The following NREP variants were observed in gnomAD, a reference collection of about 807,000 sequenced individuals.
NREP encodes the protein neuronal regeneration-related protein.
NREP carries 5 observed loss-of-function variants against 8.6 expected under a neutral mutation model. That is an observed-to-expected ratio of 0.58 (90% CI 0.30 to 1.22). The LOEUF (loss-of-function observed/expected upper bound fraction) is 1.22. NREP is among the 50% of genes most tolerant of loss of function. The pLI, the probability that NREP is intolerant of heterozygous loss-of-function variation, is 0.07. For missense variants in NREP, 86 were observed against 82.5 expected (o/e 1.04, Z -0.17); for synonymous variants, 27 against 28.0 (o/e 0.96, Z 0.11).
chr5:111,821,380 T>G (rs757478539), intron 2 of NREP, among the ~76,000 whole-genome samples: 1 of 151,362 alleles, frequency 6.6e-6, no homozygotes, highest in Non-Finnish European at 1.5e-5. Flanking sequence ...AAAAAAAAAA[T>G]CAACTCCTGT....
chr5:111,891,812 G>A (rs1754401833), intron 2 of NREP, among the ~76,000 whole-genome samples: 1 of 152,146 alleles, frequency 6.6e-6, no homozygotes, highest in Non-Finnish European at 1.5e-5. Flanking sequence ...CGTGAGGACA[G>A]CACCAAGGGC....
At chr5:111,880,185 T>C (rs570008019) in intron 2 of NREP, among the ~76,000 whole-genome samples, 1 of 152,238 alleles carries the variant, frequency 6.6e-6, no homozygotes, top group African/African-American at 2.4e-5. Flanking sequence ...CCTCTCTCTG[T>C]TTACTCATCT....
chr5:111,970,825 C>CAAAAAAAAAAAAAAA (rs33962098), intron 2 of NREP, among the ~76,000 whole-genome samples: 19 of 53,596 alleles, frequency 3.5e-4, no homozygotes, highest in African/African-American at 5.4e-4. Flanking sequence ...GACTCCATCT[C>CAAAAAAAAAAAAAAA]AAAAAAAAAA....
At chr5:111,746,410 C>T (rs1750008842) in intron 2 of NREP, among the ~76,000 whole-genome samples, 2 of 152,098 alleles carry the variant, frequency 1.3e-5, no homozygotes, top group Admixed American at 6.5e-5. Flanking sequence ...AGACCCAAGA[C>T]TCCACAGGGC....
intron 2 of NREP, among the ~76,000 whole-genome samples, chr5:111,844,198 A>C (rs1201900645): frequency 5.9e-5 from 9 of 152,166 alleles, no homozygotes; most frequent in Non-Finnish European, 1.2e-4. Flanking sequence ...ATCCAAAATA[A>C]GTATAAAATG....
At chr5:111,728,824 T>C (rs1287322253), downstream of NREP, 1 of 152,198 alleles carries the variant, frequency 6.6e-6, no homozygotes, top group African/African-American at 2.4e-5. Context: ...CTGTCTCAAA[T>C]TTTTATCCTC....
intron 2 of NREP, among the ~76,000 whole-genome samples, chr5:111,770,162 C>CA (rs1345907726): frequency 3.3e-5 from 5 of 152,146 alleles, no homozygotes; most frequent in Non-Finnish European, 7.3e-5. Flanking sequence ...CACCAGACTT[C>CA]AGGAATATTT....
upstream of NREP, among the ~76,000 whole-genome samples, chr5:111,759,624 T>C (rs763292048): frequency 7.2e-5 from 11 of 151,962 alleles, no homozygotes; most frequent in Non-Finnish European, 1.2e-4. Flanking sequence ...TGGGTCAGAT[T>C]CATAGCTTAT....
intron 2 of NREP, among the ~76,000 whole-genome samples, chr5:111,807,200 G>A (rs1055164250): frequency 1.3e-5 from 2 of 151,740 alleles, no homozygotes; most frequent in Non-Finnish European, 2.9e-5. Context: ...ACACCTCTTA[G>A]TTGTTGACTC....
intron 3 of NREP, chr5:111,734,582 T>C: frequency 2.2e-6 from 1 of 453,972 alleles, no homozygotes; most frequent in Non-Finnish European, 3.9e-6. Flanking sequence ...CCTGCCAGTA[T>C]AAGATAGGGA....
At chr5:111,896,758 T>C (rs1754520477) in intron 2 of NREP, among the ~76,000 whole-genome samples, 2 of 152,108 alleles carry the variant, frequency 1.3e-5, no homozygotes, top group Non-Finnish European at 2.9e-5. Flanking sequence ...TACTGAAAAA[T>C]CTTGAGCAAA....
chr5:111,776,790 G>T (rs1156573049), intron 2 of NREP, among the ~76,000 whole-genome samples: 1 of 152,160 alleles, frequency 6.6e-6, no homozygotes. Context: ...CTAGAGATTT[G>T]CCCTGGGGCA....
chr5:111,853,835 T>A (rs554584817), intron 2 of NREP, among the ~76,000 whole-genome samples: 2 of 152,268 alleles, frequency 1.3e-5, no homozygotes, highest in South Asian at 4.1e-4. Flanking sequence ...AGTGTGTCCC[T>A]CTCTGAGCAT....
At chr5:111,780,748 T>C (rs140426086) in intron 2 of NREP, among the ~76,000 whole-genome samples, 1,525 of 152,274 alleles carry the variant, frequency 0.01, 14 homozygotes, top group Non-Finnish European at 0.016. Flanking sequence ...TGGAAATCTT[T>C]TAAATCCTCA....
chr5:111,880,861 A>G (rs1163391734), intron 2 of NREP, among the ~76,000 whole-genome samples: 1 of 151,438 alleles, frequency 6.6e-6, no homozygotes, highest in African/African-American at 2.4e-5. Context: ...ATGGCTGAAT[A>G]GGAACAGCTC....
At chr5:111,777,376 GT>G (rs1460501611) in intron 2 of NREP, among the ~76,000 whole-genome samples, 1 of 150,078 alleles carries the variant, frequency 6.7e-6, no homozygotes, top group African/African-American at 2.5e-5. Flanking sequence ...GTGTGTGTGT[GT>G]TTTAAGTACG....
intron 2 of NREP, among the ~76,000 whole-genome samples, chr5:111,784,242 C>T (rs968145946): frequency 6.6e-6 from 1 of 151,970 alleles, no homozygotes; most frequent in Non-Finnish European, 1.5e-5. Flanking sequence ...AGGCTAGGCC[C>T]ATAGGTGGTA....
chr5:111,921,245 C>G (rs1004791081), intron 2 of NREP, among the ~76,000 whole-genome samples: 1 of 152,180 alleles, frequency 6.6e-6, no homozygotes, highest in South Asian at 2.1e-4. Flanking sequence ...CTACTTCCTG[C>G]TGGAGATGGT....
At chr5:111,744,525 A>G (rs1041421792) in intron 2 of NREP, among the ~76,000 whole-genome samples, 2 of 152,158 alleles carry the variant, frequency 1.3e-5, no homozygotes, top group African/African-American at 4.8e-5. Flanking sequence ...GAAAACTGTC[A>G]GAAAACTAAA....
Sources: allele counts gnomAD v4.1 joint callset (sites outside exome capture counted in the v4.1 genomes callset), GRCh38; gene constraint gnomAD v4.1.1; transcripts MANE v1.5; gene names NCBI Gene and HGNC (gene_info 2026-07-23, HGNC 2026-07-21).